The following MMRN1 variants were observed in gnomAD, a reference collection of about 807,000 sequenced individuals.
The protein encoded by MMRN1 is multimerin-1.
MMRN1 carries 94 observed loss-of-function variants against 100.7 expected under a neutral mutation model. That is an observed-to-expected ratio of 0.93 (90% CI 0.79 to 1.11). The LOEUF (loss-of-function observed/expected upper bound fraction) is 1.11, where lower values mean the gene tolerates loss of function less well. MMRN1 is among the 50% of genes least tolerant of loss of function. The pLI, the probability that MMRN1 is intolerant of heterozygous loss-of-function variation, is 0.00. For synonymous variants in MMRN1, 575 were observed against 505.0 expected (o/e 1.14, Z -1.86); for missense variants, 1,606 against 1,439.1 (o/e 1.12, Z -1.88).
At chr4:89,879,687 A>G (rs1053901665) in intron 1 of MMRN1, 4 of 152,160 alleles carry the variant, frequency 2.6e-5, no homozygotes, top group African/African-American at 4.8e-5. Context: ...AAATAAGATT[A>G]CAGGTCTATT....
chr4:89,901,069 A>G (rs1721369151), intron 1 of MMRN1, among the ~76,000 whole-genome samples: 1 of 151,644 alleles, frequency 6.6e-6, no homozygotes, highest in African/African-American at 2.4e-5. Flanking sequence ...TTTAGTGAGC[A>G]CCATGCTCTG....
chr4:89,926,578 T>TTG (rs1377280939), intron 4 of MMRN1, among the ~76,000 whole-genome samples: 1 of 152,118 alleles, frequency 6.6e-6, no homozygotes, highest in Non-Finnish European at 1.5e-5. Flanking sequence ...ATTCTGTGGG[T>TTG]TGTGTCTTGA....
upstream of MMRN1, among the ~76,000 whole-genome samples, chr4:89,890,329 C>T (rs1270770727): frequency 6.6e-6 from 1 of 150,700 alleles, no homozygotes; most frequent in Non-Finnish European, 1.5e-5. Context: ...TTCTCTAGTC[C>T]TTGGCCTAAA....
chr4:89,948,129 G>A (rs1283561145), intron 6 of MMRN1, among the ~76,000 whole-genome samples: 1 of 152,294 alleles, frequency 6.6e-6, no homozygotes, highest in Non-Finnish European at 1.5e-5. Context: ...TAGGATTACA[G>A]GCGTGAGCCA....
intron 5 of MMRN1, among the ~76,000 whole-genome samples, chr4:89,933,014 C>G (rs553692332): frequency 1.7e-3 from 252 of 152,248 alleles, no homozygotes; most frequent in South Asian, 7.5e-3. Flanking sequence ...TAAACATAAG[C>G]TCCAATTCCA....
chr4:89,923,385 C>G, intron 4 of MMRN1, 113 bp downstream of exon 4: 2 of 947,590 alleles, frequency 2.1e-6, no homozygotes, highest in Non-Finnish European at 3.3e-6. Flanking sequence ...GACACATTAG[C>G]ATACTTCTCA....
In MMRN1 at chr4:89,923,685, G is replaced by C. The variant is rs77971897; in HGVS notation, c.955+413G>C. Among the ~76,000 whole-genome samples the C allele has an allele frequency of 4.5e-3, 687 of 152,300 alleles. 7 individuals carry two copies. The highest frequency in any genetic ancestry group is 0.016 in the African/African-American group (665 of 41,574). On this transcript the variant is annotated intron_variant, in intron 4 of 7. Coordinates refer to ENST00000264790, the MANE Select transcript of MMRN1 (RefSeq NM_007351.3). ...AATAAGAGGTTGCTTAATGGGTACT[G>C]ATCCCTAAGAAATGGGATTATGACT...
rs550371973 is a variant in MMRN1 at position 89,939,714 on chromosome 4, CT to C, written c.3118+2919del. On this transcript the variant is annotated intron_variant, in intron 6 of 7. Coordinates refer to ENST00000264790, the MANE Select transcript of MMRN1 (RefSeq NM_007351.3). Reference sequence around the variant, plus strand: ...GAGTGTGTTCACATGCCTTTCTCTTCTTTCTGTTTCTGTTTCATGCATCATA... The same window carrying C: ...GAGTGTGTTCACATGCCTTTCTCTTCTTCTGTTTCTGTTTCATGCATCATA... Among the ~76,000 whole-genome samples, 333 of 152,246 alleles carry C rather than the reference CT, an allele frequency of 2.2e-3. 5 individuals carry two copies. The highest frequency in any genetic ancestry group is 0.014 in the Middle Eastern group (4 of 294).
At chr4:89,897,731 TA>T (rs1359992367) in intron 1 of MMRN1, among the ~76,000 whole-genome samples, 1 of 152,194 alleles carries the variant, frequency 6.6e-6, no homozygotes, top group African/African-American at 2.4e-5. Flanking sequence ...TGAATATTTA[TA>T]ATTTGCCCAT....
chr4:89,945,848 A>G (rs1420028181), intron 6 of MMRN1, among the ~76,000 whole-genome samples: 1 of 152,186 alleles, frequency 6.6e-6, no homozygotes, highest in Non-Finnish European at 1.5e-5. Context: ...CCAGAAAACA[A>G]TATAAGAAAC....
At chr4:89,950,992 A>G (rs897818536) in intron 6 of MMRN1, among the ~76,000 whole-genome samples, 6 of 152,118 alleles carry the variant, frequency 3.9e-5, no homozygotes, top group Non-Finnish European at 8.8e-5. Flanking sequence ...GTGGTTTTCA[A>G]TGCAAATGAG....
Position 89,936,131 on chromosome 4 carries a change from G to A in MMRN1, c.2451G>A (p.Gln817=), listed in dbSNP as rs372786637. Residue 817 remains glutamine, a synonymous_variant, in exon 6 of 8, where the codon CAG becomes CAA. Coordinates refer to ENST00000264790, the MANE Select transcript of MMRN1 (RefSeq NM_007351.3). ...TTCCCAGAGATGAGAAACTAAATCAGTCCAACTTCCAAAAGATGTATCAAA... is the reference window on the plus strand; with the variant it reads ...TTCCCAGAGATGAGAAACTAAATCAATCCAACTTCCAAAAGATGTATCAAA... The part of the protein sequence containing the change: ...AGIPRDEKLN[Q]SNFQKMYQMF... 6.2e-6 allele frequency: 10 copies of A among 1,612,334 alleles called. No individual in the cohort carries two copies. The highest frequency in any genetic ancestry group is 1.6e-4 in the Middle Eastern group (1 of 6,076).
intron 6 of MMRN1, among the ~76,000 whole-genome samples, chr4:89,940,819 A>C (rs1227140147): frequency 6.6e-6 from 1 of 152,174 alleles, no homozygotes; most frequent in East Asian, 1.9e-4. Context: ...ATTTTCACTT[A>C]ATATTTGATA....
rs887723150 is a variant in MMRN1, at chr4:89,936,289, C to A, written c.2609C>A (p.Thr870Asn). 2 of 1,611,754 alleles carry A rather than the reference C, an allele frequency of 1.2e-6. No individual in the cohort carries two copies. Among genetic ancestry groups the A allele is most frequent in the Middle Eastern group, 3.3e-4 (2 of 6,046 alleles). ...TTGCAAGACATTGAGTCTAAAGTTA[C>A]CCAGACGCTCATACCTTATTATATT... ...TRLQDIESKVTQTLIPYYISV... is the reference protein window; with the variant it reads ...TRLQDIESKVNQTLIPYYISV... The change falls in exon 6 of 8, where the codon ACC becomes AAC. Residue 870 changes from threonine to asparagine, a missense_variant. Transcript: ENST00000264790.
At chr4:89,909,495 A>AG in intron 2 of MMRN1, 100 bp downstream of exon 2, 2 of 1,426,650 alleles carry the variant, frequency 1.4e-6, no homozygotes, top group Admixed American at 4.4e-5. Context: ...AATACATAGT[A>AG]GGGTCAGGGG....
In MMRN1 at chr4:89,951,717, T is replaced by C. The variant is rs1202337773; in HGVS notation, c.3231T>C (p.Thr1077=). 4.3e-6 allele frequency: 7 copies of C among 1,612,710 alleles called. No homozygotes were observed. The African/African-American group carries it at 9.3e-5, about 22-fold the overall frequency. Residue 1077 remains threonine, a synonymous_variant, in exon 7 of 8, where the codon ACT becomes ACC. Coordinates refer to ENST00000264790, the MANE Select transcript of MMRN1 (RefSeq NM_007351.3). ...CRHPFTGDNC[T]IKLVEENALA... ...ATCCTTTTACTGGTGACAACTGCAC[T>C]ATCAAGCTTGTGGAAGAAAATGCTT...
chr4:89,912,352 C>T (rs1721781789), intron 3 of MMRN1, among the ~76,000 whole-genome samples: 1 of 151,188 alleles, frequency 6.6e-6, no homozygotes. Flanking sequence ...ATTAAAATAT[C>T]AGGAATGCTA....
chr4:89,952,815 A>G (rs1723220723), intron 7 of MMRN1, among the ~76,000 whole-genome samples, 182 bp from the exon 8 acceptor site: 1 of 152,202 alleles, frequency 6.6e-6, no homozygotes, highest in Non-Finnish European at 1.5e-5. Flanking sequence ...TAAGCAATTT[A>G]GAGTAATTTA....
intron 6 of MMRN1, among the ~76,000 whole-genome samples, chr4:89,938,540 G>A (rs1722727595): frequency 1.4e-5 from 2 of 140,662 alleles, no homozygotes; most frequent in Admixed American, 1.5e-4. Flanking sequence ...TATTTTCATA[G>A]TAAGTATAAA....
Sources: gnomAD v4.1 joint callset for allele counts (sites outside exome capture counted in the v4.1 genomes callset) on GRCh38, gnomAD v4.1.1 for gene constraint, MANE v1.5 for transcripts, NCBI Gene and HGNC (gene_info 2026-07-23, HGNC 2026-07-21) for gene names.